Variants in PLEKHA7 observed in about 807,000 individuals in gnomAD.
PLEKHA7 encodes pleckstrin homology domain-containing family A member 7.
PLEKHA7 carries 104 observed loss-of-function variants against 170.0 expected under a neutral mutation model. That is an observed-to-expected ratio of 0.61 (90% CI 0.52 to 0.72). The LOEUF is 0.72. PLEKHA7 is among the 30% of genes least tolerant of loss of function. The pLI is 0.00. For missense variants in PLEKHA7, 1,615 were observed against 1,671.7 expected, an observed-to-expected ratio of 0.97 and a Z score of 0.59; for synonymous variants, 648 against 660.8, an observed-to-expected ratio of 0.98 and a Z score of 0.30.
intron 10 of PLEKHA7, among the ~76,000 whole-genome samples, chr11:16,819,108 C>T (rs1168131558): frequency 6.9e-6 from 1 of 144,780 alleles, no homozygotes; most frequent in Non-Finnish European, 1.5e-5. Flanking sequence ...TGGCCGCCAT[C>T]TTATTTTCTT....
intron 3 of PLEKHA7, among the ~76,000 whole-genome samples, chr11:16,872,345 C>T (rs1424386090): frequency 6.6e-6 from 1 of 151,932 alleles, no homozygotes; most frequent in Non-Finnish European, 1.5e-5. Flanking sequence ...GGTATGTTCC[C>T]CTTCCAAGTT....
chr11:16,803,186 G>C, intron 14 of PLEKHA7, 41 bp downstream of exon 14: 1 of 1,595,170 alleles, frequency 6.3e-7, no homozygotes, highest in Non-Finnish European at 8.6e-7. Context: ...GTCTGGGTCA[G>C]GAGGCAGCTG....
intron 3 of PLEKHA7, among the ~76,000 whole-genome samples, chr11:16,895,366 T>A (rs1856933815): frequency 6.6e-6 from 1 of 152,136 alleles, no homozygotes; most frequent in African/African-American, 2.4e-5. Context: ...CATAAAGAAA[T>A]GGGAGCACAA....
intron 3 of PLEKHA7, among the ~76,000 whole-genome samples, chr11:16,982,780 T>TAC (rs35725815): frequency 0.026 from 3,715 of 143,782 alleles, 148 homozygotes; most frequent in African/African-American, 0.089. Flanking sequence ...CACTATCCCC[T>TAC]ACACACACAC....
chr11:16,894,397 G>A (rs1323941224), intron 3 of PLEKHA7, among the ~76,000 whole-genome samples: 3 of 152,224 alleles, frequency 2.0e-5, no homozygotes, highest in Non-Finnish European at 2.9e-5. Flanking sequence ...AGGATCCCAC[G>A]TACCTGGAGT....
At chr11:16,838,464 G>C (rs1851691993) in intron 9 of PLEKHA7, among the ~76,000 whole-genome samples, 1 of 148,578 alleles carries the variant, frequency 6.7e-6, no homozygotes, top group Non-Finnish European at 1.5e-5. Flanking sequence ...AGTGAACTAT[G>C]ATCATACCAC....
At chr11:16,811,388 G>C (rs1001931989) in intron 13 of PLEKHA7, among the ~76,000 whole-genome samples, 2 of 152,218 alleles carry the variant, frequency 1.3e-5, no homozygotes, top group Non-Finnish European at 2.9e-5. Context: ...TGAGTGGACT[G>C]TTGGGCCCTG....
chr11:16,826,223 GC>G lies in PLEKHA7; in HGVS notation c.1239del (p.Gln413HisfsTer93). On this transcript the variant is annotated frameshift_variant, in exon 10 of 27. Coordinates refer to ENST00000531066, the MANE Select transcript of PLEKHA7 (RefSeq NM_001329630.2). LOFTEE classifies it high-confidence loss of function. ...GGGTTGGTCCTGGGAGGAAAGGCCC[GC>G]TGGTACCCACCAGTCCCATTCTGTT... is the stretch of plus-strand genomic sequence containing the variant. ...PGEQNGTGGY[Q>X]RAFPPRTNPE... The G allele has an allele frequency of 6.2e-7, 1 of 1,614,234 alleles. No homozygotes were observed. Among genetic ancestry groups the G allele is most frequent in the Non-Finnish European group, 8.5e-7 (1 of 1,180,040 alleles).
intron 3 of PLEKHA7, among the ~76,000 whole-genome samples, chr11:16,877,341 G>T (rs1855377775): frequency 6.6e-6 from 1 of 152,180 alleles, no homozygotes; most frequent in South Asian, 2.1e-4. Flanking sequence ...ACTGGAAATT[G>T]AAACTCTGAG....
At position 17,013,969 on chromosome 11, in the gene PLEKHA7, C is replaced by T. The variant is rs1590857547; in HGVS notation, c.221+20G>A. ...CCCCCCCGCGGCACAGGTGCGAGCG[C>T]GGCGGCCCCACTCACTCACTCGATG... On this transcript the variant is annotated intron_variant, in intron 3 of 26. Coordinates refer to ENST00000531066, the MANE Select transcript of PLEKHA7 (RefSeq NM_001329630.2). 12 of 1,531,390 alleles carry T rather than the reference C, an allele frequency of 7.8e-6. No homozygotes were observed. The East Asian group carries it at 3.1e-4, about 39-fold the overall frequency. The allele number at this position is 1,531,390 out of a possible 1,614,324, so 94.9% of individuals were successfully genotyped here. A position where few individuals can be genotyped will look rare whatever the true frequency, so the allele number is the denominator to read the frequency against.
intron 3 of PLEKHA7, among the ~76,000 whole-genome samples, chr11:16,911,707 C>T (rs1858261716): frequency 6.6e-6 from 1 of 152,028 alleles, no homozygotes; most frequent in South Asian, 2.1e-4. Context: ...TTTGACCTGT[C>T]TTCTAGACCC....
Position 16,821,964 on chromosome 11 carries a change from A to G in PLEKHA7, c.1343+4156T>C, listed in dbSNP as rs138604176. Among the ~76,000 whole-genome samples the G allele has an allele frequency of 1.2e-4, 18 of 150,544 alleles. No individual in the cohort carries two copies. In the East Asian group the frequency reaches 3.3e-3, roughly 28 times the overall value. On this transcript the variant is annotated intron_variant, in intron 10 of 26. Coordinates refer to ENST00000531066, the MANE Select transcript of PLEKHA7 (RefSeq NM_001329630.2). Reference sequence around the variant, plus strand: ...TGAGCTGTTCTCCTCTACAGACCTGATGTCTCCCTTCCCCTTAGATAAGAA... The same window carrying G: ...TGAGCTGTTCTCCTCTACAGACCTGGTGTCTCCCTTCCCCTTAGATAAGAA...
At chr11:16,782,676 G>C in intron 26 of PLEKHA7, 78 bp downstream of exon 26, 3 of 1,500,810 alleles carry the variant, frequency 2.0e-6, no homozygotes, top group Admixed American at 4.0e-5. Flanking sequence ...ACTGGCTCTG[G>C]AACAGGCCAT....
intron 3 of PLEKHA7, among the ~76,000 whole-genome samples, chr11:16,954,695 CTT>C (rs879408307): frequency 2.1e-5 from 3 of 143,710 alleles, no homozygotes; most frequent in African/African-American, 2.5e-5. Context: ...CTCATGTTTT[CTT>C]TTTTTTTTTT....
At chr11:16,991,639 G>A (rs1358358642) in intron 3 of PLEKHA7, among the ~76,000 whole-genome samples, 1 of 152,208 alleles carries the variant, frequency 6.6e-6, no homozygotes, top group Non-Finnish European at 1.5e-5. Context: ...GCAGGGATGG[G>A]AGGAAATGAG....
At chr11:16,970,304 C>T (rs1420175647) in intron 3 of PLEKHA7, among the ~76,000 whole-genome samples, 1 of 152,096 alleles carries the variant, frequency 6.6e-6, no homozygotes, top group African/African-American at 2.4e-5. Context: ...AGCTTCCAAC[C>T]TTTATAATGG....
rs1158745355 is a variant in PLEKHA7 at position 16,954,418 on chromosome 11, C to CA, written c.221+59570dup. Among the ~76,000 whole-genome samples, 26 of 151,842 alleles carry CA rather than the reference C, an allele frequency of 1.7e-4. 1 individual carries two copies. Among genetic ancestry groups the CA allele is most frequent in the Admixed American group, 1.7e-3 (26 of 15,242 alleles). On this transcript the variant is annotated intron_variant, in intron 3 of 26. Transcript: ENST00000531066. ...GTGTGGTAGTGCACACCTATAGTCTCAGTTACTCAGGAGGTTGAGACAGGA... is the reference window on the plus strand; with the variant it reads ...GTGTGGTAGTGCACACCTATAGTCTCAAGTTACTCAGGAGGTTGAGACAGGA...
intron 9 of PLEKHA7, among the ~76,000 whole-genome samples, chr11:16,831,314 T>C (rs558109270): frequency 3.9e-5 from 6 of 152,274 alleles, no homozygotes; most frequent in African/African-American, 1.2e-4. Context: ...CCCTGTCTCC[T>C]TGCATTCCCA....
At chr11:16,962,927 C>T (rs946967078) in intron 3 of PLEKHA7, among the ~76,000 whole-genome samples, 2 of 152,238 alleles carry the variant, frequency 1.3e-5, no homozygotes, top group Non-Finnish European at 2.9e-5. Flanking sequence ...CTAGATGGCA[C>T]TGAGTGGAGC....
Sources: allele counts gnomAD v4.1 joint callset (sites outside exome capture counted in the v4.1 genomes callset), GRCh38; gene constraint gnomAD v4.1.1; transcripts MANE v1.5; gene names NCBI Gene and HGNC (gene_info 2026-07-23, HGNC 2026-07-21).